The following LYPLAL1 variants were observed in gnomAD, a reference collection of about 807,000 sequenced individuals.
The protein encoded by LYPLAL1 is lysophospholipase like 1.
A neutral mutation model predicts 19.7 loss-of-function variants in LYPLAL1; 23 were observed. The ratio of observed to expected loss-of-function variants is 1.17; its 90% CI spans 0.84 to 1.65. The LOEUF is 1.65. Ranked by LOEUF, LYPLAL1 falls within the 40% of genes most tolerant of loss-of-function variation. LYPLAL1 has a pLI of 0.00. For synonymous variants in LYPLAL1, 119 were observed against 96.3 expected (o/e 1.24, Z -1.38); for missense variants, 355 against 279.4 (o/e 1.27, Z -1.93).
intron 3 of LYPLAL1, among the ~76,000 whole-genome samples, chr1:219,201,943 T>G (rs1340519810): frequency 6.6e-6 from 1 of 152,232 alleles, no homozygotes; most frequent in Admixed American, 6.5e-5. Context: ...TTGTGGTGGT[T>G]GTTTATCTTA....
At chr1:219,186,834 T>C (rs777960916) in intron 2 of LYPLAL1, among the ~76,000 whole-genome samples, 4 of 151,970 alleles carry the variant, frequency 2.6e-5, no homozygotes, top group Non-Finnish European at 5.9e-5. Flanking sequence ...CTAAGTGATT[T>C]GTTTAAGCAA....
the LYPLAL1 span, among the ~76,000 whole-genome samples, chr1:219,296,731 A>G: frequency 2.0e-5 from 3 of 152,226 alleles, no homozygotes; most frequent in Non-Finnish European, 4.4e-5. Context: ...TACTTCCAAC[A>G]TTAGTTAATA....
chr1:219,370,962 T>C, the LYPLAL1 span, among the ~76,000 whole-genome samples: 2 of 152,294 alleles, frequency 1.3e-5, no homozygotes, highest in East Asian at 1.9e-4. Context: ...AGAAGAAGTA[T>C]AAAGTAATTC....
chr1:219,256,456 C>T, the LYPLAL1 span, among the ~76,000 whole-genome samples: 3 of 150,462 alleles, frequency 2.0e-5, no homozygotes, highest in Non-Finnish European at 4.4e-5. Flanking sequence ...TTTCTCCCTT[C>T]CTTTCTCCTT....
the LYPLAL1 span, chr1:219,272,897 A>C: frequency 6.6e-6 from 1 of 152,178 alleles, no homozygotes; most frequent in Non-Finnish European, 1.5e-5. Flanking sequence ...TTTCCATAAA[A>C]AATTATAAGA....
chr1:219,425,978 C>T, the LYPLAL1 span, among the ~76,000 whole-genome samples: 2 of 152,148 alleles, frequency 1.3e-5, no homozygotes, highest in Non-Finnish European at 2.9e-5. Context: ...CGCTGTTGTT[C>T]TAAAGAACCA....
downstream of LYPLAL1, among the ~76,000 whole-genome samples, chr1:219,217,379 G>GGTGT (rs371579948): frequency 0.024 from 3,171 of 134,122 alleles, 43 homozygotes; most frequent in African/African-American, 0.03. Context: ...TGCCAGGTTT[G>GGTGT]GTGTGTGTGT....
At chr1:219,208,600 G>A (rs774979877) in intron 3 of LYPLAL1, among the ~76,000 whole-genome samples, 1 of 151,832 alleles carries the variant, frequency 6.6e-6, no homozygotes, top group African/African-American at 2.4e-5. Flanking sequence ...TCATTAGTAT[G>A]CGTGCACCAC....
intron 3 of LYPLAL1, among the ~76,000 whole-genome samples, chr1:219,202,949 G>T (rs1205867644): frequency 6.6e-6 from 1 of 152,068 alleles, no homozygotes; most frequent in African/African-American, 2.4e-5. Flanking sequence ...GTCTCCCAGA[G>T]TGTTGGTATT....
the LYPLAL1 span, among the ~76,000 whole-genome samples, chr1:219,321,479 C>A: frequency 1.3e-5 from 2 of 152,076 alleles, no homozygotes; most frequent in Non-Finnish European, 2.9e-5. Context: ...GCTTTTGTTG[C>A]CATTGCTTTT....
intron 3 of LYPLAL1, among the ~76,000 whole-genome samples, chr1:219,196,591 C>T (rs1207981202): frequency 6.6e-6 from 1 of 152,104 alleles, no homozygotes; most frequent in Non-Finnish European, 1.5e-5. Context: ...CAGCTCAAGA[C>T]AAAGATGCTC....
chr1:219,262,221 A>G, the LYPLAL1 span, among the ~76,000 whole-genome samples: 2 of 151,942 alleles, frequency 1.3e-5, no homozygotes, highest in African/African-American at 2.4e-5. Flanking sequence ...TCTTTATGAT[A>G]TCTATTTTTC....
the LYPLAL1 span, among the ~76,000 whole-genome samples, chr1:219,416,510 G>T: frequency 1.3e-5 from 2 of 151,920 alleles, no homozygotes; most frequent in Non-Finnish European, 2.9e-5. Context: ...TCCTTGTAGA[G>T]TAGGGCCAAC....
chr1:219,421,847 A>AC, the LYPLAL1 span, among the ~76,000 whole-genome samples: 1 of 152,128 alleles, frequency 6.6e-6, no homozygotes, highest in Non-Finnish European at 1.5e-5. Flanking sequence ...GAATTGGAAA[A>AC]CCTTACGAAG....
the LYPLAL1 span, among the ~76,000 whole-genome samples, chr1:219,291,890 A>T: frequency 6.6e-6 from 1 of 152,108 alleles, no homozygotes; most frequent in Non-Finnish European, 1.5e-5. Context: ...TAAAGCAAAA[A>T]AAAAAAAAGA....
At chr1:219,354,297 A>T in the LYPLAL1 span, among the ~76,000 whole-genome samples, 4 of 152,182 alleles carry the variant, frequency 2.6e-5, no homozygotes, top group Non-Finnish European at 5.9e-5. Context: ...CCCAGGTTCA[A>T]CTGATTCTTC....
At chr1:219,243,664 A>T in the LYPLAL1 span, among the ~76,000 whole-genome samples, 1 of 152,110 alleles carries the variant, frequency 6.6e-6, no homozygotes, top group African/African-American at 2.4e-5. Context: ...TCATGCCTGT[A>T]ATCCCTGCAC....
At chr1:219,189,864 T>TA (rs1463805294) in intron 2 of LYPLAL1, among the ~76,000 whole-genome samples, 2 of 151,656 alleles carry the variant, frequency 1.3e-5, no homozygotes, top group Non-Finnish European at 3.0e-5. Context: ...AATTTTTTGA[T>TA]AAATTTATTG....
the LYPLAL1 span, among the ~76,000 whole-genome samples, chr1:219,368,578 G>C: frequency 1.3e-5 from 2 of 152,218 alleles, no homozygotes; most frequent in Admixed American, 6.5e-5. Flanking sequence ...CTGTCAGCCA[G>C]AGAAAAATGG....
Sources: allele counts gnomAD v4.1 joint callset (sites outside exome capture counted in the v4.1 genomes callset), GRCh38; gene constraint gnomAD v4.1.1; transcripts MANE v1.5; gene names NCBI Gene and HGNC (gene_info 2026-07-23, HGNC 2026-07-21).